The following GTF2IRD1 variants were observed in gnomAD, a reference collection of about 807,000 sequenced individuals.
GTF2IRD1 encodes the protein general transcription factor II-I repeat domain-containing protein 1.
In GTF2IRD1, 26 loss-of-function variants were observed where a neutral mutation model predicts 113.2. The observed-to-expected ratio is 0.23, with a 90% confidence interval of 0.17 to 0.32. The LOEUF (loss-of-function observed/expected upper bound fraction) is 0.32. GTF2IRD1 is among the 10% of genes least tolerant of loss of function. The probability of loss-of-function intolerance (pLI) is 1.00; values close to 1 mark genes in which losing one functional copy is unlikely to be tolerated. For missense variants in GTF2IRD1, 864 were observed against 1,280.8 expected, an observed-to-expected ratio of 0.67 and a Z score of 4.97; for synonymous variants, 484 against 529.1, an observed-to-expected ratio of 0.91 and a Z score of 1.17.
chr7:74,493,899 TG>T (rs1382470045), intron 1 of GTF2IRD1, among the ~76,000 whole-genome samples: 1 of 152,028 alleles, frequency 6.6e-6, no homozygotes, highest in Non-Finnish European at 1.5e-5. Context: ...TTTTATTTTT[TG>T]TTGAGATGGG....
intron 1 of GTF2IRD1, among the ~76,000 whole-genome samples, chr7:74,484,432 C>T (rs1794904934): frequency 1.3e-5 from 2 of 151,722 alleles, no homozygotes; most frequent in South Asian, 4.2e-4. Flanking sequence ...CAGGCATGAG[C>T]CACCACACCC....
chr7:74,581,250 GA>G (rs1554366049), intron 22 of GTF2IRD1, among the ~76,000 whole-genome samples: 2 of 152,310 alleles, frequency 1.3e-5, no homozygotes, highest in African/African-American at 2.4e-5. Flanking sequence ...TTGAACTCCT[GA>G]CCTCAGCTGA....
At chr7:74,583,201 T>A (rs1554366647) in intron 22 of GTF2IRD1, among the ~76,000 whole-genome samples, 1 of 152,092 alleles carries the variant, frequency 6.6e-6, no homozygotes, top group Admixed American at 6.6e-5. Flanking sequence ...GTTTGGTTGT[T>A]TGTTTGAAAC....
intron 11 of GTF2IRD1, 98 bp from the exon 12 acceptor site, chr7:74,538,037 TG>T: frequency 1.7e-6 from 2 of 1,146,822 alleles, no homozygotes; most frequent in South Asian, 2.5e-5. Flanking sequence ...CCTTCTGCAG[TG>T]GCGCCCGCGG....
At chr7:74,500,335 T>C (rs1043607256) in intron 1 of GTF2IRD1, among the ~76,000 whole-genome samples, 14 of 151,834 alleles carry the variant, frequency 9.2e-5, no homozygotes, top group African/African-American at 3.4e-4. Context: ...TCCTAGCACT[T>C]TGGGAGGGAG....
intron 1 of GTF2IRD1, among the ~76,000 whole-genome samples, chr7:74,489,304 G>A (rs1554336193): frequency 6.6e-6 from 1 of 152,072 alleles, no homozygotes; most frequent in East Asian, 1.9e-4. Context: ...GTCATGGTCG[G>A]GGGTGTCACA....
chr7:74,544,508 G>A (rs1220296760), intron 14 of GTF2IRD1, among the ~76,000 whole-genome samples: 1 of 152,146 alleles, frequency 6.6e-6, no homozygotes, highest in Non-Finnish European at 1.5e-5. Flanking sequence ...TTGTTCCCAC[G>A]TGTCCTCAGT....
At chr7:74,471,002 G>A (rs1255887124) in intron 1 of GTF2IRD1, among the ~76,000 whole-genome samples, 1 of 151,990 alleles carries the variant, frequency 6.6e-6, no homozygotes, top group Non-Finnish European at 1.5e-5. Flanking sequence ...ATGGGATTTC[G>A]CCATGCTGGC....
chr7:74,602,359 C>G lies in GTF2IRD1; in HGVS notation c.2767-6C>G, dbSNP rs1554374400. On this transcript the variant is annotated splice_region_variant and splice_polypyrimidine_tract_variant and intron_variant, in intron 26 of 26. Transcript: ENST00000424337. ...CCTAATCCAGTCCCTTTGTCCCTCT[C>G]TCTAGCAATGGCCAATGTACATGGT... 6.2e-7 allele frequency: 1 copy of G among 1,612,674 alleles called. No individual in the cohort carries two copies. Among genetic ancestry groups the G allele is most frequent in the East Asian group, 2.2e-5 (1 of 44,860 alleles).
intron 24 of GTF2IRD1, among the ~76,000 whole-genome samples, chr7:74,593,598 C>T (rs1431520934): frequency 3.3e-5 from 5 of 151,008 alleles, no homozygotes; most frequent in Admixed American, 6.6e-5. Flanking sequence ...CCGGGCGTGG[C>T]GCAGGGCACC....
In GTF2IRD1 at chr7:74,512,772, C is replaced by T. The variant is rs545837941; in HGVS notation, c.124-58C>T. The T allele has an allele frequency of 1.9e-6, 3 of 1,563,502 alleles. No individual in the cohort carries two copies. The highest frequency in any genetic ancestry group is 2.6e-6 in the Non-Finnish European group (3 of 1,143,052). ...TCACATCCCACCCCCGAAGTGGATA[C>T]TAGAGGTGTTCGGAGTATGGGGAGC... On this transcript the variant is annotated intron_variant, in intron 2 of 26. Coordinates refer to ENST00000424337, the MANE Select transcript of GTF2IRD1 (RefSeq NM_005685.4). The surrounding 1 kb of genome is among the most constrained non-coding windows in gnomAD (Gnocchi z 4.4).
chr7:74,491,999 GTTT>G lies in GTF2IRD1; in HGVS notation c.-6-16073_-6-16071del, dbSNP rs566397290. 2.2e-3 allele frequency among the ~76,000 whole-genome samples: 239 copies of G among 109,964 alleles called. 2 individuals are homozygous for G. The highest frequency in any genetic ancestry group is 9.8e-3 in the African/African-American group (224 of 22,886). 72.1% of individuals were successfully genotyped at this position (109,964 alleles called of 152,430 possible). A position where few individuals can be genotyped will look rare whatever the true frequency, so the allele number is the denominator to read the frequency against. Reference sequence around the variant, plus strand: ...ACATCTGTTATTTTCTTGTTCGTTTGTTTTTGTTTTTGTTTTTGTTTTGAGACG... The same window carrying G: ...ACATCTGTTATTTTCTTGTTCGTTTGTTGTTTTTGTTTTTGTTTTGAGACG... On this transcript the variant is annotated intron_variant, in intron 1 of 26. Transcript: ENST00000424337.
rs147430261 is a variant in GTF2IRD1 at position 74,544,776 on chromosome 7, C to T, written c.1640C>T (p.Ala547Val). The T allele has an allele frequency of 8.5e-4, 1,369 of 1,613,924 alleles. 5 individuals are homozygous for T. The African/African-American group carries it at 0.015, about 17-fold the overall frequency. The change falls in exon 15 of 27, where the codon GCG becomes GTG. Residue 547 changes from alanine to valine, a missense_variant. By Grantham distance (64) the Ala-to-Val change is moderately conservative. Coordinates refer to ENST00000424337, the MANE Select transcript of GTF2IRD1 (RefSeq NM_005685.4). The stretch of plus-strand genomic sequence containing the variant: ...TTAGACAAAGGTCTGAGTGAGGACG[C>T]GCGGCCCGAGGAGAGGCCCGTGGAG... Reference protein sequence around the residue: ...MLTDKGLSEDARPEERPVEDS... With the variant: ...MLTDKGLSEDVRPEERPVEDS...
At chr7:74,527,753 A>T (rs1797690635) in intron 8 of GTF2IRD1, among the ~76,000 whole-genome samples, 1 of 152,008 alleles carries the variant, frequency 6.6e-6, no homozygotes, top group Admixed American at 6.6e-5. Flanking sequence ...GAGGCAGGAG[A>T]ATTGCTTGAA....
intron 22 of GTF2IRD1, among the ~76,000 whole-genome samples, chr7:74,581,024 G>C (rs782164284): frequency 3.9e-5 from 6 of 152,030 alleles, no homozygotes; most frequent in Admixed American, 6.6e-5. Flanking sequence ...CCTTTTCTGG[G>C]GGGGGTTGGG....
At chr7:74,498,916 G>T (rs1447515282) in intron 1 of GTF2IRD1, among the ~76,000 whole-genome samples, 1 of 152,058 alleles carries the variant, frequency 6.6e-6, no homozygotes, top group East Asian at 1.9e-4. Context: ...TTTTAGTAGA[G>T]ATGGGGTTTC....
At chr7:74,481,132 T>G (rs1554334562) in intron 1 of GTF2IRD1, among the ~76,000 whole-genome samples, 2 of 152,166 alleles carry the variant, frequency 1.3e-5, no homozygotes, top group African/African-American at 4.8e-5. Context: ...GTTTTGCTTT[T>G]TGTTTTGCTC....
Position 74,508,112 on chromosome 7 carries a change from C to T in GTF2IRD1, c.32C>T (p.Pro11Leu), listed in dbSNP as rs782139309. MALLGKRCDVPTNGCGPDRWN... is the reference protein window; with the variant it reads MALLGKRCDVLTNGCGPDRWN... ...TTGCTGGGTAAGCGCTGTGACGTCCCCACCAACGGCTGCGGACCCGACCGC... is the reference window on the plus strand; with the variant it reads ...TTGCTGGGTAAGCGCTGTGACGTCCTCACCAACGGCTGCGGACCCGACCGC... Residue 11 changes from proline to leucine, a missense_variant, in exon 2 of 27, where the codon CCC becomes CTC. Transcript: ENST00000424337. 6.2e-7 allele frequency: 1 copy of T among 1,610,438 alleles called. No individual in the cohort carries two copies. Among genetic ancestry groups the T allele is most frequent in the East Asian group, 2.2e-5 (1 of 44,870 alleles).
intron 24 of GTF2IRD1, among the ~76,000 whole-genome samples, chr7:74,594,259 C>T (rs1802264630): frequency 2.0e-5 from 3 of 150,732 alleles, no homozygotes; most frequent in Admixed American, 2.0e-4. Flanking sequence ...GTGCACCTGC[C>T]TTCCCAGCTA....
Sources: gnomAD v4.1 joint callset for allele counts (sites outside exome capture counted in the v4.1 genomes callset) on GRCh38, gnomAD v4.1.1 for gene constraint, Gnocchi (gnomAD v3.1) non-coding constraint, MANE v1.5 for transcripts, NCBI Gene and HGNC (gene_info 2026-07-23, HGNC 2026-07-21) for gene names.